Variants in PCSK5 observed in about 807,000 individuals in gnomAD.
PCSK5 encodes proprotein convertase subtilisin/kexin type 5.
PCSK5 carries 129 observed loss-of-function variants against 233.2 expected under a neutral mutation model. That is an observed-to-expected ratio of 0.55 (90% confidence interval 0.48 to 0.64). PCSK5 has a LOEUF of 0.64. Ranked by LOEUF, PCSK5 falls within the 30% of genes least tolerant of loss-of-function variation. The pLI is 0.00. For missense variants in PCSK5, 2,076 were observed against 2,430.1 expected, an observed-to-expected ratio of 0.85 and a Z score of 3.06; for synonymous variants, 825 against 879.2, an observed-to-expected ratio of 0.94 and a Z score of 1.09.
chr9:76,240,202 C>T (rs537561580), intron 23 of PCSK5, among the ~76,000 whole-genome samples: 1 of 152,302 alleles, frequency 6.6e-6, no homozygotes, highest in South Asian at 2.1e-4. Context: ...AATTCTGTTT[C>T]TCCTTAATGT....
At chr9:76,047,435 G>A (rs1473292486) in intron 5 of PCSK5, among the ~76,000 whole-genome samples, 1 of 152,136 alleles carries the variant, frequency 6.6e-6, no homozygotes, top group Admixed American at 6.5e-5. Flanking sequence ...GTATTCATGG[G>A]AGACTATCAC....
At chr9:76,355,317 A>G (rs986508183) in intron 37 of PCSK5, among the ~76,000 whole-genome samples, 5 of 152,018 alleles carry the variant, frequency 3.3e-5, no homozygotes, top group African/African-American at 1.2e-4. Context: ...CTAAAAATAC[A>G]AAAAAATTAG....
chr9:76,325,156 C>T (rs118183904), intron 32 of PCSK5, among the ~76,000 whole-genome samples: 2,499 of 152,092 alleles, frequency 0.016, 21 homozygotes, highest in Non-Finnish European at 0.025. Flanking sequence ...GGCGGGTGTT[C>T]GTGTGGGAGG....
intron 5 of PCSK5, among the ~76,000 whole-genome samples, chr9:76,040,327 C>CTG (rs1829044416): frequency 5.2e-4 from 3 of 5,756 alleles, no homozygotes. Flanking sequence ...TGTTCTCTGT[C>CTG]TCTCTCTCTC....
chr9:76,188,228 T>A (rs2131236375), intron 17 of PCSK5, among the ~76,000 whole-genome samples: 1 of 152,334 alleles, frequency 6.6e-6, no homozygotes, highest in East Asian at 1.9e-4. Flanking sequence ...TTGGGCTTAT[T>A]GCTAGACAAT....
intron 2 of PCSK5, among the ~76,000 whole-genome samples, chr9:75,938,152 C>T (rs1184597725): frequency 1.3e-5 from 2 of 152,172 alleles, no homozygotes; most frequent in African/African-American, 4.8e-5. Flanking sequence ...ACATGTCTTT[C>T]TTACCAAGTG....
At chr9:76,122,827 C>CTTTTTTTTTTTTTTTTTT (rs71372050) in intron 9 of PCSK5, among the ~76,000 whole-genome samples, 1 of 127,076 alleles carries the variant, frequency 7.9e-6, no homozygotes, top group Non-Finnish European at 1.6e-5. Context: ...TTTTTTTTTT[C>CTTTTTTTTTTTTTTTTTT]TTTTTTTTTT....
At chr9:76,273,701 T>C (rs1827603002) in intron 24 of PCSK5, among the ~76,000 whole-genome samples, 1 of 151,036 alleles carries the variant, frequency 6.6e-6, no homozygotes, top group Non-Finnish European at 1.5e-5. Flanking sequence ...GGTGCGATCA[T>C]AGCTCACTAT....
intron 20 of PCSK5, among the ~76,000 whole-genome samples, chr9:76,217,505 T>C (rs1825579650): frequency 6.6e-6 from 1 of 152,204 alleles, no homozygotes; most frequent in Admixed American, 6.5e-5. Flanking sequence ...ATCACCATTT[T>C]ACAGATGAGC....
chr9:76,044,098 T>C lies in PCSK5; in HGVS notation c.632+17061T>C, dbSNP rs527754032. Reference sequence around the variant, plus strand: ...TATAAATGTTAATAAATATAAATGTTGGTCTTAAAAATTAAGGTTAAGCCT... The same window carrying C: ...TATAAATGTTAATAAATATAAATGTCGGTCTTAAAAATTAAGGTTAAGCCT... On this transcript the variant is annotated intron_variant, in intron 5 of 37. Coordinates refer to ENST00000674117, the MANE Select transcript of PCSK5 (RefSeq NM_001372043.1). 2.0e-5 allele frequency among the ~76,000 whole-genome samples: 3 copies of C among 152,330 alleles called. No homozygotes were observed. The South Asian group carries it at 6.2e-4, about 32-fold the overall frequency.
Position 76,022,828 on chromosome 9 carries a change from GTTC to G in PCSK5, c.412-904_412-902del, listed in dbSNP as rs376546841. Among the ~76,000 whole-genome samples the G allele has an allele frequency of 2.1e-3, 316 of 152,286 alleles. 16 individuals are homozygous for G. The South Asian group carries it at 0.057, about 28-fold the overall frequency. ...AGGACACCTTTCTGGACTTGGCACT[GTTC>G]TTCTTTTCCTTCTCAAAAAAATAGT... is the stretch of plus-strand genomic sequence containing the variant. On this transcript the variant is annotated intron_variant, in intron 3 of 37. Coordinates refer to ENST00000674117, the MANE Select transcript of PCSK5 (RefSeq NM_001372043.1).
At position 76,099,097 on chromosome 9, in the gene PCSK5, G is replaced by A. The variant is rs556773427; in HGVS notation, c.1107+2995G>A. Among the ~76,000 whole-genome samples, 16 of 152,156 alleles carry A rather than the reference G, an allele frequency of 1.1e-4. No individual in the cohort carries two copies. The East Asian group carries it at 1.4e-3, about 13-fold the overall frequency. On this transcript the variant is annotated intron_variant, in intron 8 of 37. Transcript: ENST00000674117. ...TCACTCTATGTATTTAACTTAATTCGTTTCTTCCTTTTTGTTTAATGCATT... is the reference window on the plus strand; with the variant it reads ...TCACTCTATGTATTTAACTTAATTCATTTCTTCCTTTTTGTTTAATGCATT...
In PCSK5 at chr9:75,940,276, C is replaced by A. The variant is rs889782549; in HGVS notation, c.297+7793C>A. On this transcript the variant is annotated intron_variant, in intron 2 of 37. Coordinates refer to ENST00000674117, the MANE Select transcript of PCSK5 (RefSeq NM_001372043.1). ...ATTCTATACACTCTTAAATCCATTTCTCTATAATAGTTCTTTAAATATTTG... is the reference window on the plus strand; with the variant it reads ...ATTCTATACACTCTTAAATCCATTTATCTATAATAGTTCTTTAAATATTTG... 7.2e-5 allele frequency among the ~76,000 whole-genome samples: 11 copies of A among 152,324 alleles called. No homozygotes were observed. The Middle Eastern group carries it at 0.014, about 188-fold the overall frequency.
intron 24 of PCSK5, among the ~76,000 whole-genome samples, chr9:76,248,281 T>C (rs1826683727): frequency 6.6e-6 from 1 of 152,146 alleles, no homozygotes; most frequent in Non-Finnish European, 1.5e-5. Context: ...ATTTTACATA[T>C]TCATAACAAA....
intron 2 of PCSK5, among the ~76,000 whole-genome samples, chr9:75,977,901 G>A (rs1003757631): frequency 2.0e-5 from 3 of 151,758 alleles, no homozygotes. Context: ...TTGAGCCACC[G>A]CGCCCGGCCA....
At chr9:76,331,989 G>A (rs62565742) in intron 33 of PCSK5, among the ~76,000 whole-genome samples, 30,599 of 152,146 alleles carry the variant, frequency 0.2, 3,285 homozygotes, top group South Asian at 0.23. Context: ...CTAATACGGC[G>A]GTGTTTTTCC....
chr9:76,146,566 G>A (rs939569756), intron 10 of PCSK5, among the ~76,000 whole-genome samples: 12 of 151,380 alleles, frequency 7.9e-5, no homozygotes, highest in African/African-American at 2.9e-4. Context: ...TGCACATGAT[G>A]TTTTAATGAG....
At chr9:75,922,666 G>C (rs573616525) in intron 1 of PCSK5, among the ~76,000 whole-genome samples, 17 of 152,278 alleles carry the variant, frequency 1.1e-4, no homozygotes, top group Admixed American at 9.2e-4. Context: ...TAGCCAATTG[G>C]AAGGAAGGAT....
chr9:76,151,350 AC>A (rs1823665423), intron 10 of PCSK5, among the ~76,000 whole-genome samples: 1 of 152,162 alleles, frequency 6.6e-6, no homozygotes, highest in Non-Finnish European at 1.5e-5. Context: ...CTGGTGGTTT[AC>A]TTATAGGTAG....
Sources: allele counts gnomAD v4.1 joint callset (sites outside exome capture counted in the v4.1 genomes callset), GRCh38; gene constraint gnomAD v4.1.1; transcripts MANE v1.5; gene names NCBI Gene and HGNC (gene_info 2026-07-23, HGNC 2026-07-21).